SLC22A9: variants seen among roughly 807,000 people sequenced by gnomAD.
The protein encoded by SLC22A9 is organic anion transporter 7.
A neutral mutation model predicts 50.1 loss-of-function variants in SLC22A9; 64 were observed. The ratio of observed to expected loss-of-function variants is 1.28; its 90% CI spans 1.04 to 1.57. The LOEUF is 1.57. Among genes scored for constraint, SLC22A9 ranks in the 40% most tolerant of loss-of-function variants. SLC22A9 has a pLI of 0.00. For synonymous variants in SLC22A9, 261 were observed against 242.5 expected, an observed-to-expected ratio of 1.08 and a Z score of -0.71; for missense variants, 757 against 676.1, an observed-to-expected ratio of 1.12 and a Z score of -1.33.
intron 7 of SLC22A9, among the ~76,000 whole-genome samples, chr11:63,407,806 C>G (rs34340433): frequency 6.6e-6 from 1 of 152,062 alleles, no homozygotes; most frequent in South Asian, 2.1e-4. Context: ...AGTCCCTGGA[C>G]GGAATAAATG....
At chr11:63,378,719 G>A (rs979640307) in intron 5 of SLC22A9, among the ~76,000 whole-genome samples, 7 of 152,096 alleles carry the variant, frequency 4.6e-5, no homozygotes, top group South Asian at 2.1e-4. Context: ...ATTTCTATAC[G>A]CTGACATCGT....
intron 5 of SLC22A9, among the ~76,000 whole-genome samples, chr11:63,380,892 A>T (rs2014549045): frequency 6.6e-6 from 1 of 152,140 alleles, no homozygotes; most frequent in Non-Finnish European, 1.5e-5. Context: ...ATAAAAGAGC[A>T]TTGGAATCAA....
rs546241627 is a variant in SLC22A9 at position 63,370,106 on chromosome 11, A to C, written c.50A>C (p.Gln17Pro). 1 of 1,613,954 alleles carries C rather than the reference A, an allele frequency of 6.2e-7. No homozygotes were observed. The highest frequency in any genetic ancestry group is 1.7e-5 in the Admixed American group (1 of 60,012). The part of the protein sequence containing the change: ...LGHAGDLWRF[Q>P]ILQTVFLSIF... ...CACGCTGGTGACCTGTGGAGATTCC[A>C]GATCCTTCAGACTGTTTTTCTCTCA... Residue 17 changes from glutamine (Q) to proline (P), a missense_variant, in exon 1 of 10, where the codon CAG (glutamine) becomes CCG (proline). By Grantham distance (76) the Gln-to-Pro change is moderately conservative. Transcript: ENST00000279178.
At chr11:63,392,680 C>T (rs978402304) in intron 6 of SLC22A9, among the ~76,000 whole-genome samples, 1 of 151,956 alleles carries the variant, frequency 6.6e-6, no homozygotes, top group Non-Finnish European at 1.5e-5. Context: ...GGGAGTCTGA[C>T]TATTAAAGGC....
chr11:63,386,506 G>A (rs954788058), intron 6 of SLC22A9, among the ~76,000 whole-genome samples: 3 of 111,950 alleles, frequency 2.7e-5, no homozygotes, highest in South Asian at 5.7e-4. Flanking sequence ...AGTTTAGAAC[G>A]TATTGGTCTA....
At chr11:63,380,080 GA>G (rs1231790678) in intron 5 of SLC22A9, among the ~76,000 whole-genome samples, 11 of 151,908 alleles carry the variant, frequency 7.2e-5, no homozygotes, top group Admixed American at 2.0e-4. Context: ...ACAAGCATAT[GA>G]AAAAAATGCT....
chr11:63,375,967 G>A (rs989754094), intron 5 of SLC22A9, among the ~76,000 whole-genome samples, 199 bp downstream of exon 5: 1 of 152,090 alleles, frequency 6.6e-6, no homozygotes, highest in African/African-American at 2.4e-5. Context: ...TTGCCAAAAG[G>A]ATGAGACACA....
At chr11:63,383,350 C>T (rs2014600741) in intron 6 of SLC22A9, among the ~76,000 whole-genome samples, 1 of 152,180 alleles carries the variant, frequency 6.6e-6, no homozygotes. Context: ...TGTCATCCTG[C>T]TGCATCAGAG....
At chr11:63,397,424 G>A (rs1217235196) in intron 6 of SLC22A9, among the ~76,000 whole-genome samples, 1 of 152,144 alleles carries the variant, frequency 6.6e-6, no homozygotes, top group Non-Finnish European at 1.5e-5. Flanking sequence ...TCTACAGTCA[G>A]CAGTTGTCAA....
chr11:63,376,064 G>GTA (rs2014455852), intron 5 of SLC22A9, among the ~76,000 whole-genome samples: 1 of 152,096 alleles, frequency 6.6e-6, no homozygotes, highest in Non-Finnish European at 1.5e-5. Context: ...TGTAATAGGA[G>GTA]TAACCAAAAC....
intron 6 of SLC22A9, among the ~76,000 whole-genome samples, chr11:63,390,044 T>G (rs940504792): frequency 6.6e-6 from 1 of 152,192 alleles, no homozygotes; most frequent in Non-Finnish European, 1.5e-5. Context: ...CTGGTAAATT[T>G]GTTTAAGTTC....
In SLC22A9 at chr11:63,409,825, A is replaced by C. The variant is rs1455420536; in HGVS notation, c.1625A>C (p.Lys542Thr). The C allele has an allele frequency of 1.2e-5, 19 of 1,613,662 alleles. No individual in the cohort carries two copies. The highest frequency in any genetic ancestry group is 1.6e-5 in the Non-Finnish European group (19 of 1,179,860). The change falls in exon 10 of 10, where the codon AAG becomes ACG. Residue 542 changes from lysine to threonine, a missense_variant. Lys to Thr is a moderately conservative substitution (Grantham distance 78, BLOSUM62 -1). Coordinates refer to ENST00000279178, the MANE Select transcript of SLC22A9 (RefSeq NM_080866.3). ...KNERKDPREPKQEDPRVEVTQ... is the reference protein window; with the variant it reads ...KNERKDPREPTQEDPRVEVTQ... Reference sequence around the variant, plus strand: ...AGGAGAAAAGACCCCAGAGAACCAAAGCAAGAGGATCCGAGAGTGGAAGTG... The same window carrying C: ...AGGAGAAAAGACCCCAGAGAACCAACGCAAGAGGATCCGAGAGTGGAAGTG...
chr11:63,377,317 A>G (rs1184455479), intron 5 of SLC22A9, among the ~76,000 whole-genome samples: 1 of 152,036 alleles, frequency 6.6e-6, no homozygotes, highest in East Asian at 1.9e-4. Context: ...TCCTCAGCAA[A>G]TTCAAAAAGA....
chr11:63,392,741 T>C (rs1332189068), intron 6 of SLC22A9, among the ~76,000 whole-genome samples: 2 of 152,118 alleles, frequency 1.3e-5, no homozygotes, highest in African/African-American at 4.8e-5. Flanking sequence ...TGTAGTTTAA[T>C]AAAAACATAG....
chr11:63,409,779 T>TG (rs768841359), intron 9 of SLC22A9, 23 bp from the exon 10 acceptor site: 17 of 1,612,060 alleles, frequency 1.1e-5, no homozygotes, highest in Non-Finnish European at 1.4e-5. Context: ...GATTTTTTGT[T>TG]GGTTTCTTTG....
intron 5 of SLC22A9, among the ~76,000 whole-genome samples, chr11:63,378,379 A>C (rs2014501493): frequency 6.6e-6 from 1 of 152,158 alleles, no homozygotes; most frequent in Non-Finnish European, 1.5e-5. Flanking sequence ...ATACCTCAAA[A>C]TAATGAGAGC....
intron 6 of SLC22A9, among the ~76,000 whole-genome samples, chr11:63,400,923 G>T (rs140319057): frequency 9.2e-5 from 14 of 152,054 alleles, no homozygotes; most frequent in Non-Finnish European, 1.5e-5. Context: ...TTCAACAGAC[G>T]CCAAAAGCAT....
chr11:63,386,080 G>A (rs1200792847), intron 6 of SLC22A9, among the ~76,000 whole-genome samples: 1 of 151,830 alleles, frequency 6.6e-6, no homozygotes, highest in Non-Finnish European at 1.5e-5. Context: ...TTCTGTTTAT[G>A]TGATAAATTA....
chr11:63,398,864 G>A (rs759745045), intron 6 of SLC22A9, among the ~76,000 whole-genome samples: 6 of 152,080 alleles, frequency 3.9e-5, no homozygotes, highest in Non-Finnish European at 8.8e-5. Context: ...CTGTTTCTGT[G>A]GGAAAGATGA....
Sources: allele counts gnomAD v4.1 joint callset (sites outside exome capture counted in the v4.1 genomes callset), GRCh38; gene constraint gnomAD v4.1.1; transcripts MANE v1.5; gene names NCBI Gene and HGNC (gene_info 2026-07-23, HGNC 2026-07-21).